The following SREBF2 variants were observed in gnomAD, a reference collection of about 807,000 sequenced individuals.
The protein encoded by SREBF2 is sterol regulatory element binding transcription factor 2, also known as sterol regulatory element-binding protein 2.
Under a neutral mutation model 113.1 loss-of-function variants are expected in SREBF2, and 55 were observed. The observed-to-expected ratio is 0.49, with a 90% CI of 0.39 to 0.61. The LOEUF is 0.61. Ranked by LOEUF, SREBF2 falls within the 20% of genes least tolerant of loss-of-function variation. The pLI is 0.00. For synonymous variants in SREBF2, 593 were observed against 605.7 expected, an observed-to-expected ratio of 0.98 and a Z score of 0.31; for missense variants, 1,349 against 1,487.4, an observed-to-expected ratio of 0.91 and a Z score of 1.53.
In SREBF2 at chr22:41,833,618, C is replaced by T. The variant is rs2076737943; in HGVS notation, c.88+260C>T. The T allele has an allele frequency of 1.0e-5, 4 of 398,972 alleles. No homozygotes were observed. In the South Asian group the frequency reaches 1.8e-4, roughly 18 times the overall value. 24.7% of individuals were successfully genotyped at this position (398,972 alleles called of 1,614,324 possible). A position where few individuals can be genotyped will look rare whatever the true frequency, so the allele number is the denominator to read the frequency against. On this transcript the variant is annotated intron_variant, in intron 1 of 18. Coordinates refer to ENST00000361204, the MANE Select transcript of SREBF2 (RefSeq NM_004599.4). The surrounding 1 kb of genome is among the most constrained non-coding windows in gnomAD (Gnocchi z 4.1). ...CGCGAGGGTCGCGGGTTCCAGAGCG[C>T]GGGGCTAGGGACGTCGCGGGGGCGT...
chr22:41,862,880 G>A (rs1469292106), intron 1 of SREBF2, among the ~76,000 whole-genome samples: 2 of 152,220 alleles, frequency 1.3e-5, no homozygotes, highest in Non-Finnish European at 2.9e-5. Flanking sequence ...AGCTTTTTGT[G>A]TGTGGGTTGA....
intron 1 of SREBF2, among the ~76,000 whole-genome samples, chr22:41,852,266 C>T (rs2076939222): frequency 6.6e-6 from 1 of 151,788 alleles, no homozygotes; most frequent in African/African-American, 2.4e-5. Context: ...ATGTATTTTT[C>T]TGTGTATTGA....
intron 11 of SREBF2, among the ~76,000 whole-genome samples, chr22:41,891,788 C>T (rs1239118228): frequency 6.6e-6 from 1 of 152,232 alleles, no homozygotes; most frequent in Admixed American, 6.5e-5. Flanking sequence ...TCCCTCCTGT[C>T]TTCTGTCCTC....
chr22:41,901,332 G>A (rs953418088), intron 16 of SREBF2, among the ~76,000 whole-genome samples: 15 of 152,200 alleles, frequency 9.9e-5, no homozygotes, highest in East Asian at 1.9e-4. Flanking sequence ...CCAGGACAGC[G>A]TGGCAGCCCC....
At chr22:41,848,185 T>G (rs910752490) in intron 1 of SREBF2, among the ~76,000 whole-genome samples, 1 of 152,174 alleles carries the variant, frequency 6.6e-6, no homozygotes, top group Admixed American at 6.5e-5. Flanking sequence ...TGTGCAGTGC[T>G]GGTGCGCTGT....
At chr22:41,864,261 T>TATATATATATACACAC (rs1204150898) in intron 1 of SREBF2, among the ~76,000 whole-genome samples, 1 of 51,012 alleles carries the variant, frequency 2.0e-5, no homozygotes, top group Non-Finnish European at 3.6e-5. Flanking sequence ...TATATATATA[T>TATATATATATACACAC]ACACACACAC....
chr22:41,892,137 G>A (rs574890178), intron 11 of SREBF2, among the ~76,000 whole-genome samples: 11 of 152,278 alleles, frequency 7.2e-5, no homozygotes, highest in Admixed American at 2.0e-4. Flanking sequence ...CCAGCTTTGT[G>A]GGGGGAGTCT....
chr22:41,875,932 G>A (rs1456740112), intron 7 of SREBF2, among the ~76,000 whole-genome samples: 1 of 152,202 alleles, frequency 6.6e-6, no homozygotes, highest in Non-Finnish European at 1.5e-5. Flanking sequence ...GGTTTAACTG[G>A]TCCTTGCCGA....
intron 16 of SREBF2, 93 bp downstream of exon 16, chr22:41,900,591 G>T: frequency 7.4e-7 from 1 of 1,356,276 alleles, no homozygotes. Flanking sequence ...TGCGGGTGGG[G>T]CCATCCGAAA....
intron 16 of SREBF2, chr22:41,901,041 C>T (rs745358891): frequency 9.8e-6 from 5 of 509,732 alleles, no homozygotes; most frequent in African/African-American, 7.8e-5. Context: ...AGAGACTGCC[C>T]TGACTGAAGG....
chr22:41,859,122 C>CAA (rs557219254), intron 1 of SREBF2, among the ~76,000 whole-genome samples: 8 of 80,230 alleles, frequency 1.0e-4, no homozygotes, highest in South Asian at 4.0e-4. Flanking sequence ...GACTCCGTCT[C>CAA]AAAAAAAAAA....
At chr22:41,905,006 G>A (rs771571315) in intron 18 of SREBF2, 32 bp downstream of exon 18, 37 of 1,550,460 alleles carry the variant, frequency 2.4e-5, no homozygotes, top group Non-Finnish European at 3.1e-5. Flanking sequence ...TCACAGGCTG[G>A]GCCAGGCCCT....
Position 41,875,544 on chromosome 22 carries a change from G to C in SREBF2, c.1206G>C (p.Lys402Asn). ...CACCAGGTGGGGTTTTCTTTGCAGA[G>C]CTTCTAAAGGGCATCGACCTAGGCA... ...MVLKLANQKN[K>N]LLKGIDLGSL... Residue 402 changes from lysine to asparagine, a missense_variant and splice_region_variant, in exon 7 of 19, where the codon AAG becomes AAC. Coordinates refer to ENST00000361204, the MANE Select transcript of SREBF2 (RefSeq NM_004599.4). 4 of 1,614,228 alleles carry C rather than the reference G, an allele frequency of 2.5e-6. No individual in the cohort carries two copies. The highest frequency in any genetic ancestry group is 3.4e-6 in the Non-Finnish European group (4 of 1,180,052).
chr22:41,864,421 C>T (rs1251760128), intron 1 of SREBF2, among the ~76,000 whole-genome samples: 4 of 146,408 alleles, frequency 2.7e-5, no homozygotes, highest in Non-Finnish European at 6.0e-5. Flanking sequence ...CCCGGGTTCA[C>T]TCCATTCTCC....
chr22:41,880,725 G>A lies in SREBF2; in HGVS notation c.1771G>A (p.Ala591Thr). 6.2e-7 allele frequency: 1 copy of A among 1,614,228 alleles called. No homozygotes were observed. The highest frequency in any genetic ancestry group is 8.5e-7 in the Non-Finnish European group (1 of 1,180,054). The change falls in exon 10 of 19, where the codon GCA becomes ACA. Residue 591 changes from alanine (A) to threonine (T), a missense_variant. Transcript: ENST00000361204. ...ADLDLARGDF[A>T]AAAGNLQTCL... ...TTTTGATACTTTGTAGGGAGATTTT[G>A]CAGCTGCTGCCGGCAACCTACAAAC...
intron 1 of SREBF2, among the ~76,000 whole-genome samples, chr22:41,865,133 A>G (rs1166327649): frequency 9.0e-6 from 1 of 111,210 alleles, no homozygotes; most frequent in African/African-American, 4.7e-5. Context: ...CCAGGCCCCC[A>G]CATCCCCCAA....
intron 11 of SREBF2, among the ~76,000 whole-genome samples, chr22:41,891,904 TG>T (rs2077366817): frequency 2.0e-5 from 3 of 152,088 alleles, no homozygotes; most frequent in African/African-American, 7.2e-5. Context: ...ACTGAAAACG[TG>T]GTAGATGGTA....
intron 1 of SREBF2, among the ~76,000 whole-genome samples, chr22:41,842,792 A>G (rs1481132768): frequency 6.6e-6 from 1 of 152,180 alleles, no homozygotes; most frequent in African/African-American, 2.4e-5. Flanking sequence ...GATCAAGACC[A>G]TCCTGGCTAA....
chr22:41,901,585 C>T (rs2077465895), intron 16 of SREBF2, among the ~76,000 whole-genome samples: 1 of 152,086 alleles, frequency 6.6e-6, no homozygotes, highest in East Asian at 1.9e-4. Flanking sequence ...CACTTGAACC[C>T]AGGAGGTAGA....
Sources: allele counts gnomAD v4.1 joint callset (sites outside exome capture counted in the v4.1 genomes callset), GRCh38; gene constraint gnomAD v4.1.1; non-coding constraint Gnocchi (gnomAD v3.1); transcripts MANE v1.5; gene names NCBI Gene and HGNC (gene_info 2026-07-23, HGNC 2026-07-21).